The following P2RY13 variants were observed in gnomAD, a reference collection of about 807,000 sequenced individuals.
P2RY13 encodes P2Y purinoceptor 13.
For synonymous variants in P2RY13, 150 were observed against 155.1 expected, an observed-to-expected ratio of 0.97 and a Z score of 0.24; for missense variants, 412 against 418.4, an observed-to-expected ratio of 0.98 and a Z score of 0.13.
chr3:151,327,031 A>G lies in P2RY13; in HGVS notation c.*960T>C, dbSNP rs1185321742. The G allele has an allele frequency of 1.3e-5, 2 of 152,230 alleles. No individual in the cohort carries two copies. Among genetic ancestry groups the G allele is most frequent in the Non-Finnish European group, 2.9e-5 (2 of 68,034 alleles). The allele number at this position is 152,230 out of a possible 1,614,324, so 9.4% of individuals were successfully genotyped here. A position where few individuals can be genotyped will look rare whatever the true frequency, so the allele number is the denominator to read the frequency against. ...ATTCTATTTAAAACATCTGTAGACC[A>G]TGGACTGTAGGTCGTATTATGGGAG... On this transcript the variant is annotated 3_prime_UTR_variant, in exon 2 of 2. Coordinates refer to ENST00000325602, the MANE Select transcript of P2RY13 (RefSeq NM_176894.3).
chr3:151,328,867 A>G lies in P2RY13; in HGVS notation c.189T>C (p.Thr63=), dbSNP rs764774867. The change falls in exon 2 of 2, where the codon ACT becomes ACC. Residue 63 remains threonine (T), a synonymous_variant. Coordinates refer to ENST00000325602, the MANE Select transcript of P2RY13 (RefSeq NM_176894.3). ...VVFLTGILLN[T]LALWVFVHIP... ...TGTGAACAAACACCCACAGAGCCAA[A>G]GTATTCAGCAGGATGCCGGTCAAGA... is the stretch of plus-strand genomic sequence containing the variant. The G allele has an allele frequency of 6.2e-6, 10 of 1,614,072 alleles. No individual in the cohort carries two copies. The South Asian group carries it at 9.9e-5, about 16-fold the overall frequency.
Position 151,329,476 on chromosome 3 carries a change from T to C in P2RY13, c.48+5A>G. 6.5e-7 allele frequency: 1 copy of C among 1,537,290 alleles called. No homozygotes were observed. The highest frequency in any genetic ancestry group is 1.2e-5 in the South Asian group (1 of 83,098). Reference sequence around the variant, plus strand: ...ACACTCATAATAACAAAAATTGAAATTCACCTTTGGGAGGATACTCAGTTC... The same window carrying C: ...ACACTCATAATAACAAAAATTGAAACTCACCTTTGGGAGGATACTCAGTTC... On this transcript the variant is annotated splice_donor_5th_base_variant and intron_variant, in intron 1 of 1. Coordinates refer to ENST00000325602, the MANE Select transcript of P2RY13 (RefSeq NM_176894.3).
In P2RY13 at chr3:151,327,082, T is replaced by A. The variant is rs1178370522; in HGVS notation, c.*909A>T. The A allele has an allele frequency of 6.6e-6, 1 of 152,226 alleles. No individual in the cohort carries two copies. The highest frequency in any genetic ancestry group is 6.5e-5 in the Admixed American group (1 of 15,282). The allele number at this position is 152,226 out of a possible 1,614,324, so 9.4% of individuals were successfully genotyped here. ...ATACCAAGAAAATCTGGCATGTCTG[T>A]CTCTCAAGAAGCTTTAACATTTTTA... On this transcript the variant is annotated 3_prime_UTR_variant, in exon 2 of 2. Transcript: ENST00000325602.
chr3:151,327,685 G>A lies in P2RY13; in HGVS notation c.*306C>T, dbSNP rs1235152308. 2.0e-5 allele frequency: 4 copies of A among 201,272 alleles called. No homozygotes were observed. The highest frequency in any genetic ancestry group is 5.8e-5 in the Admixed American group (1 of 17,200). 12.5% of individuals were successfully genotyped at this position (201,272 alleles called of 1,614,324 possible). ...GGAGGGGAGGTTTGTAGGGATATAC[G>A]TTTCTCCTTAGTCTTTTCCAAAATG... is the stretch of plus-strand genomic sequence containing the variant. On this transcript the variant is annotated 3_prime_UTR_variant, in exon 2 of 2. Transcript: ENST00000325602.
In P2RY13 at chr3:151,328,616, C is replaced by G; in HGVS notation, c.440G>C (p.Arg147Thr). 1 of 1,613,740 alleles carries G rather than the reference C, an allele frequency of 6.2e-7. No individual in the cohort carries two copies. The highest frequency in any genetic ancestry group is 8.5e-7 in the Non-Finnish European group (1 of 1,179,900). ...IAFDRFLKII[R>T]PLRNIFLKKP... The stretch of plus-strand genomic sequence containing the variant: ...TTTTAGAAAAATATTTCTCAAAGGT[C>G]TGATGATCTTGAGGAATCTGTCAAA... The change falls in exon 2 of 2, where the codon AGA becomes ACA. Residue 147 changes from arginine to threonine, a missense_variant. Transcript: ENST00000325602.
In P2RY13 at chr3:151,329,493, A is replaced by C; in HGVS notation, c.36T>G (p.Ser12Arg). Residue 12 changes from serine (S) to arginine (R), a missense_variant, in exon 1 of 2, where the codon AGT becomes AGG. Transcript: ENST00000325602. ...AATTGAAATTCACCTTTGGGAGGAT[A>C]CTCAGTTCTCTCTGTCTTCTTATGG... ...TAAIRRQREL[S>R]ILPKVTLEAM... 1 of 1,546,424 alleles carries C rather than the reference A, an allele frequency of 6.5e-7. No homozygotes were observed. Among genetic ancestry groups the C allele is most frequent in the East Asian group, 2.5e-5 (1 of 40,754 alleles).
rs1749766802 is a variant in P2RY13, at chr3:151,327,495, C to T, written c.*496G>A. ...AGGTCTTGCTGACCCACTTCAGTTC[C>T]TCAGACTCTTCAAGTCTGCATCCCT... On this transcript the variant is annotated 3_prime_UTR_variant, in exon 2 of 2. Coordinates refer to ENST00000325602, the MANE Select transcript of P2RY13 (RefSeq NM_176894.3). The T allele has an allele frequency of 6.6e-6, 1 of 152,036 alleles. No homozygotes were observed. Among genetic ancestry groups the T allele is most frequent in the Non-Finnish European group, 1.5e-5 (1 of 68,064 alleles). The allele number at this position is 152,036 out of a possible 1,614,324, so 9.4% of individuals were successfully genotyped here. A position where few individuals can be genotyped will look rare whatever the true frequency, so the allele number is the denominator to read the frequency against.
In P2RY13 at chr3:151,329,026, T is replaced by C. The variant is rs1373742606; in HGVS notation, c.49-19A>G. On this transcript the variant is annotated intron_variant, in intron 1 of 1. Transcript: ENST00000325602. ...GTGTCACCTGTTACCAATAAACATA[T>C]ATACAAACAAAAGAAAACAAAAAGC... The C allele has an allele frequency of 3.9e-6, 6 of 1,524,470 alleles. No homozygotes were observed. Among genetic ancestry groups the C allele is most frequent in the Non-Finnish European group, 4.4e-6 (5 of 1,134,380 alleles). The allele number at this position is 1,524,470 out of a possible 1,614,324, so 94.4% of individuals were successfully genotyped here. A position where few individuals can be genotyped will look rare whatever the true frequency, so the allele number is the denominator to read the frequency against.
In P2RY13 at chr3:151,328,309, G is replaced by T; in HGVS notation, c.747C>A (p.Asn249Lys). ...ATACTTTGCCTTCCAGCTTTTTGTTGTTTTTTCTGTCCTTACTTTTGGACT... is the reference window on the plus strand; with the variant it reads ...ATACTTTGCCTTCCAGCTTTTTGTTTTTTTTTCTGTCCTTACTTTTGGACT... ...YRKSKSKDRK[N>K]NKKLEGKVFV... The change falls in exon 2 of 2, where the codon AAC (asparagine) becomes AAA (lysine). Residue 249 changes from asparagine (N) to lysine (K), a missense_variant. By Grantham distance (94) the Asn-to-Lys change is moderately conservative. Coordinates refer to ENST00000325602, the MANE Select transcript of P2RY13 (RefSeq NM_176894.3). 3 of 1,613,684 alleles carry T rather than the reference G, an allele frequency of 1.9e-6. No homozygotes were observed. Among genetic ancestry groups the T allele is most frequent in the Non-Finnish European group, 1.7e-6 (2 of 1,179,842 alleles).
In P2RY13 at chr3:151,327,460, A is replaced by C. The variant is rs1749758742; in HGVS notation, c.*531T>G. ...ATTGTAAGGAGAAAATCCTTTACCC[A>C]GGATTTCAGAGGTCTTGCTGACCCA... On this transcript the variant is annotated 3_prime_UTR_variant, in exon 2 of 2. Transcript: ENST00000325602. The C allele has an allele frequency of 6.6e-6, 1 of 152,210 alleles. No individual in the cohort carries two copies. The highest frequency in any genetic ancestry group is 2.1e-4 in the South Asian group (1 of 4,838). 9.4% of individuals were successfully genotyped at this position (152,210 alleles called of 1,614,324 possible). A position where few individuals can be genotyped will look rare whatever the true frequency, so the allele number is the denominator to read the frequency against.
chr3:151,328,791 C>A lies in P2RY13; in HGVS notation c.265G>T (p.Asp89Tyr). The A allele has an allele frequency of 6.2e-7, 1 of 1,613,870 alleles. No individual in the cohort carries two copies. The highest frequency in any genetic ancestry group is 8.5e-7 in the Non-Finnish European group (1 of 1,179,900). ...GGAAGCATGAGTGTCATTATCAAGT[C>A]GGCCACCAAAGTGTTTTTGAGGTAG... ...IIYLKNTLVA[D>Y]LIMTLMLPFK... is the part of the protein sequence containing the mutation. Residue 89 changes from aspartate (D) to tyrosine (Y), a missense_variant, in exon 2 of 2, where the codon GAC (aspartate) becomes TAC (tyrosine). Physicochemically the swap from Asp to Tyr is radical, Grantham distance 160. Transcript: ENST00000325602.
rs769046736 is a variant in P2RY13 at position 151,328,024 on chromosome 3, A to C, written c.1032T>G (p.His344Gln). 6.3e-7 allele frequency: 1 copy of C among 1,591,254 alleles called. No homozygotes were observed. Among genetic ancestry groups the C allele is most frequent in the Non-Finnish European group, 8.5e-7 (1 of 1,171,556 alleles). The change falls in exon 2 of 2, where the codon CAT becomes CAG. Residue 344 changes from histidine to glutamine, a missense_variant. His to Gln is a conservative substitution (Grantham distance 24). Coordinates refer to ENST00000325602, the MANE Select transcript of P2RY13 (RefSeq NM_176894.3). ...AGGTTATGTTGTCTGTCTGACTGCT[A>C]TGATTTTCTTGGCTTGATGCTGTGG... is the stretch of plus-strand genomic sequence containing the variant. ...RKTTASSQEN[H>Q]SSQTDNITLG
rs756701413 is a variant in P2RY13, at chr3:151,328,771, C to T, written c.285G>A (p.Met95Ile). ...AGTCAGAGAGGATTTTGAAAGGAAGCATGAGTGTCATTATCAAGTCGGCCA... is the reference window on the plus strand; with the variant it reads ...AGTCAGAGAGGATTTTGAAAGGAAGTATGAGTGTCATTATCAAGTCGGCCA... Reference protein sequence around the residue: ...TLVADLIMTLMLPFKILSDSH... With the variant: ...TLVADLIMTLILPFKILSDSH... Residue 95 changes from methionine to isoleucine, a missense_variant, in exon 2 of 2, where the codon ATG becomes ATA. Transcript: ENST00000325602. 6 of 1,613,942 alleles carry T rather than the reference C, an allele frequency of 3.7e-6. No homozygotes were observed. The highest frequency in any genetic ancestry group is 5.1e-6 in the Non-Finnish European group (6 of 1,179,942).
In P2RY13 at chr3:151,327,553, CT is replaced by C. The variant is rs1229239700; in HGVS notation, c.*437del. 1 of 152,050 alleles carries C rather than the reference CT, an allele frequency of 6.6e-6. No individual in the cohort carries two copies. The highest frequency in any genetic ancestry group is 6.6e-5 in the Admixed American group (1 of 15,240). The allele number at this position is 152,050 out of a possible 1,614,324, so 9.4% of individuals were successfully genotyped here. A position where few individuals can be genotyped will look rare whatever the true frequency, so the allele number is the denominator to read the frequency against. On this transcript the variant is annotated 3_prime_UTR_variant, in exon 2 of 2. Coordinates refer to ENST00000325602, the MANE Select transcript of P2RY13 (RefSeq NM_176894.3). Reference sequence around the variant, plus strand: ...CCTGGCTGCAGTTTTCAGCAATGGACTTCAAGAGTTGGGCGTTTTTTTTTTC... The same window carrying C: ...CCTGGCTGCAGTTTTCAGCAATGGACTCAAGAGTTGGGCGTTTTTTTTTTC...
chr3:151,327,005 A>G lies in P2RY13; in HGVS notation c.*986T>C, dbSNP rs565400766. On this transcript the variant is annotated 3_prime_UTR_variant, in exon 2 of 2. Coordinates refer to ENST00000325602, the MANE Select transcript of P2RY13 (RefSeq NM_176894.3). Reference sequence around the variant, plus strand: ...CGTCTTTGTATGTATCGAGAATAGCAATTCTATTTAAAACATCTGTAGACC... The same window carrying G: ...CGTCTTTGTATGTATCGAGAATAGCGATTCTATTTAAAACATCTGTAGACC... 3 of 152,324 alleles carry G rather than the reference A, an allele frequency of 2.0e-5. No homozygotes were observed. Among genetic ancestry groups the G allele is most frequent in the South Asian group, 4.1e-4 (2 of 4,826 alleles). 9.4% of individuals were successfully genotyped at this position (152,324 alleles called of 1,614,324 possible).
Position 151,328,979 on chromosome 3 carries a change from A to G in P2RY13, c.77T>C (p.Val26Ala), listed in dbSNP as rs1360716223. ...CTCAGATCTGTTGAAGCCTTGCATC[A>G]CTGTGGTGTTCATTGCTTCCAGTGT... Reference protein sequence around the residue: ...KVTLEAMNTTVMQGFNRSERC... With the variant: ...KVTLEAMNTTAMQGFNRSERC... Residue 26 changes from valine to alanine, a missense_variant, in exon 2 of 2, where the codon GTG becomes GCG. Coordinates refer to ENST00000325602, the MANE Select transcript of P2RY13 (RefSeq NM_176894.3). 4 of 1,608,252 alleles carry G rather than the reference A, an allele frequency of 2.5e-6. No individual in the cohort carries two copies. The highest frequency in any genetic ancestry group is 3.4e-6 in the Non-Finnish European group (4 of 1,177,004).
In P2RY13 at chr3:151,328,535, A is replaced by G. The variant is rs780854560; in HGVS notation, c.521T>C (p.Ile174Thr). The G allele has an allele frequency of 1.4e-5, 22 of 1,613,812 alleles. No individual in the cohort carries two copies. Among genetic ancestry groups the G allele is most frequent in the Non-Finnish European group, 1.8e-5 (21 of 1,179,920 alleles). ...GCTCAAGATCGTATTTGGCAGGGAG[A>G]TGAAGAACAAAAAGAACCAGATGAA... The part of the protein sequence containing the change: ...SIFIWFFLFF[I>T]SLPNTILSNK... The change falls in exon 2 of 2, where the codon ATC (isoleucine) becomes ACC (threonine). Residue 174 changes from isoleucine (I) to threonine (T), a missense_variant. By Grantham distance (89) the Ile-to-Thr change is moderately conservative. Transcript: ENST00000325602.
Position 151,328,720 on chromosome 3 carries a change from T to C in P2RY13, c.336A>G (p.Arg112=), listed in dbSNP as rs755787621. 7.4e-6 allele frequency: 12 copies of C among 1,613,850 alleles called. No homozygotes were observed. Among genetic ancestry groups the C allele is most frequent in the Non-Finnish European group, 1.0e-5 (12 of 1,179,926 alleles). ...CCGAAGAAAAACGACACACAAAAGCTCTGAGCTGCCAGGGTGCCAGGTGTG... is the reference window on the plus strand; with the variant it reads ...CCGAAGAAAAACGACACACAAAAGCCCTGAGCTGCCAGGGTGCCAGGTGTG... ...SDSHLAPWQL[R]AFVCRFSSVI... is the part of the protein sequence containing the mutation. Residue 112 remains arginine, a synonymous_variant, in exon 2 of 2, where the codon AGA becomes AGG. Transcript: ENST00000325602.
chr3:151,329,161 C>T (rs1412989704), intron 1 of P2RY13, among the ~76,000 whole-genome samples, 154 bp from the exon 2 acceptor site: 2 of 152,188 alleles, frequency 1.3e-5, no homozygotes, highest in Non-Finnish European at 2.9e-5. Flanking sequence ...AAGGAAAATA[C>T]TGTTTTCTGG....
Sources: gnomAD v4.1 joint callset for allele counts (sites outside exome capture counted in the v4.1 genomes callset) on GRCh38, gnomAD v4.1.1 for gene constraint, MANE v1.5 for transcripts, NCBI Gene and HGNC (gene_info 2026-07-23, HGNC 2026-07-21) for gene names.